Variants in PDE2A observed in about 807,000 individuals in gnomAD.
PDE2A encodes cGMP-dependent 3',5'-cyclic phosphodiesterase.
In PDE2A, 53 loss-of-function variants were observed where a neutral mutation model predicts 133.6. The ratio of observed to expected loss-of-function variants is 0.40; its 90% CI spans 0.32 to 0.50. The LOEUF is 0.50. PDE2A is among the 20% of genes least tolerant of loss of function. The probability of loss-of-function intolerance (pLI) is 0.73; values close to 1 mark genes in which losing one functional copy is unlikely to be tolerated. For synonymous variants in PDE2A, 491 were observed against 490.2 expected (o/e 1.00, Z -0.02); for missense variants, 796 against 1,232.4 (o/e 0.65, Z 5.30).
At chr11:72,618,764 C>T (rs1857601238) in intron 2 of PDE2A, among the ~76,000 whole-genome samples, 1 of 152,204 alleles carries the variant, frequency 6.6e-6, no homozygotes, top group Non-Finnish European at 1.5e-5. Context: ...GGCCTACGAG[C>T]CCATGGGACG....
chr11:72,617,494 CTCTG>C (rs1857533169), intron 2 of PDE2A, among the ~76,000 whole-genome samples: 1 of 152,230 alleles, frequency 6.6e-6, no homozygotes, highest in Non-Finnish European at 1.5e-5. Flanking sequence ...GGCCACCTCT[CTCTG>C]TCTGTGCTCT....
At chr11:72,592,046 CA>C (rs1374076063) in intron 6 of PDE2A, among the ~76,000 whole-genome samples, 1 of 152,168 alleles carries the variant, frequency 6.6e-6, no homozygotes, top group African/African-American at 2.4e-5. Context: ...CCACTCTCTC[CA>C]CCACCCCCAT....
chr11:72,668,981 G>A (rs142316257), intron 1 of PDE2A: 41 of 1,002,832 alleles, frequency 4.1e-5, no homozygotes, highest in African/African-American at 4.0e-4. Flanking sequence ...GTGGCTGATC[G>A]TGGGTGGTTC....
chr11:72,625,119 C>A (rs927537189), intron 2 of PDE2A, among the ~76,000 whole-genome samples: 1 of 152,176 alleles, frequency 6.6e-6, no homozygotes, highest in Non-Finnish European at 1.5e-5. Context: ...CCTGGCAGGC[C>A]TGGCCTGTCT....
chr11:72,639,989 C>T (rs1300915223), intron 2 of PDE2A, among the ~76,000 whole-genome samples: 1 of 152,118 alleles, frequency 6.6e-6, no homozygotes, highest in African/African-American at 2.4e-5. Flanking sequence ...CACACTGCCA[C>T]CGCAGCACAT....
rs769925699 is a variant in PDE2A, at chr11:72,590,395, G to T, written c.703+32C>A. The T allele has an allele frequency of 1.9e-6, 3 of 1,583,466 alleles. No individual in the cohort carries two copies. The highest frequency in any genetic ancestry group is 2.7e-5 in the African/African-American group (2 of 74,496). ...TCCCCTCCAAGTTCTGCCCGGCCCCGCCCTCGTGACCTGTCCAGGCCGGGC... is the reference window on the plus strand; with the variant it reads ...TCCCCTCCAAGTTCTGCCCGGCCCCTCCCTCGTGACCTGTCCAGGCCGGGC... On this transcript the variant is annotated intron_variant, in intron 8 of 30. Transcript: ENST00000334456. The surrounding 1 kb of genome is among the most constrained non-coding windows in gnomAD (Gnocchi z 4.8).
intron 7 of PDE2A, chr11:72,591,078 C>T: frequency 1.8e-6 from 1 of 545,202 alleles, no homozygotes; most frequent in Non-Finnish European, 3.3e-6. Flanking sequence ...AGTTTTGTTT[C>T]ACCACTGCCC....
At chr11:72,631,877 C>A (rs1858405654) in intron 2 of PDE2A, among the ~76,000 whole-genome samples, 1 of 152,162 alleles carries the variant, frequency 6.6e-6, no homozygotes, top group Non-Finnish European at 1.5e-5. Context: ...TCCTGCCCCT[C>A]CCCACCCCCA....
chr11:72,660,651 G>A (rs1193335589), intron 1 of PDE2A, among the ~76,000 whole-genome samples: 2 of 152,150 alleles, frequency 1.3e-5, no homozygotes, highest in Non-Finnish European at 2.9e-5. Flanking sequence ...AAGTAGAGGA[G>A]CAGAGATCTG....
chr11:72,632,828 T>G lies in PDE2A; in HGVS notation c.144+9426A>C, dbSNP rs532670611. On this transcript the variant is annotated intron_variant, in intron 2 of 30. Transcript: ENST00000334456. ...GGTTCCCTCCCCCCAGCAGAGGCAC[T>G]GCCCGGAGGTGGAGGCAGGGTGCTG... Among the ~76,000 whole-genome samples, 4 of 133,862 alleles carry G rather than the reference T, an allele frequency of 3.0e-5. No homozygotes were observed. The East Asian group carries it at 9.9e-4, about 33-fold the overall frequency. The allele number at this position is 133,862 out of a possible 152,430, so 87.8% of individuals were successfully genotyped here. A position where few individuals can be genotyped will look rare whatever the true frequency, so the allele number is the denominator to read the frequency against.
chr11:72,625,987 GC>G (rs1565179248), intron 2 of PDE2A, among the ~76,000 whole-genome samples: 1 of 152,264 alleles, frequency 6.6e-6, no homozygotes, highest in Non-Finnish European at 1.5e-5. Flanking sequence ...TCAGCCCGGG[GC>G]CGCAGCATCT....
chr11:72,600,422 G>C (rs1403627422), intron 4 of PDE2A, among the ~76,000 whole-genome samples: 2 of 152,124 alleles, frequency 1.3e-5, no homozygotes, highest in African/African-American at 4.8e-5. Flanking sequence ...TCGGCACCTT[G>C]CTCTGCAGCC....
At chr11:72,671,339 C>CA (rs1297084290) in intron 1 of PDE2A, among the ~76,000 whole-genome samples, 1 of 152,194 alleles carries the variant, frequency 6.6e-6, no homozygotes, top group Non-Finnish European at 1.5e-5. Flanking sequence ...ATGAATGCAG[C>CA]AATGGAATCA....
At chr11:72,667,019 T>C (rs1000976350) in intron 1 of PDE2A, among the ~76,000 whole-genome samples, 7 of 152,102 alleles carry the variant, frequency 4.6e-5, no homozygotes, top group African/African-American at 1.4e-4. Flanking sequence ...GGCAGGAGAA[T>C]AGCTTGAGCC....
intron 2 of PDE2A, among the ~76,000 whole-genome samples, chr11:72,638,903 G>A (rs929038106): frequency 6.6e-6 from 1 of 152,196 alleles, no homozygotes. Flanking sequence ...GATCCCTTTT[G>A]CCAGTCAGGC....
rs755074300 is a variant in PDE2A, at chr11:72,582,445, A to G, written c.1850T>C (p.Met617Thr). ...GTCAAGTGGAGGAGAGCAACTCACC[A>G]TGGACGTGTCATCCTCGGGCAGGGA... ...PRSLPEDDTSMAILSMLQDMN... is the reference protein window; with the variant it reads ...PRSLPEDDTSTAILSMLQDMN... The change falls in exon 21 of 31, where the codon ATG becomes ACG. Residue 617 changes from methionine (M) to threonine (T), a missense_variant and splice_region_variant. By Grantham distance (81) the Met-to-Thr change is moderately conservative. This residue lies in a region of PDE2A where 218 missense variants were observed against 465.9 expected (regional missense o/e 0.47). Coordinates refer to ENST00000334456, the MANE Select transcript of PDE2A (RefSeq NM_002599.5). 3 of 1,613,780 alleles carry G rather than the reference A, an allele frequency of 1.9e-6. No individual in the cohort carries two copies. The Admixed American group carries it at 5.0e-5, about 27-fold the overall frequency.
chr11:72,589,205 C>T lies in PDE2A; in HGVS notation c.909G>A (p.Lys303=), dbSNP rs1856119680. The part of the protein sequence containing the change: ...TGCLGQVVED[K]KSIQLKDLTS... ...TGAGGTCCTTCAGCTGGATGGACTT[C>T]TTGTCTTCCACCACCTGGCCCAGGC... The change falls in exon 12 of 31, where the codon AAG becomes AAA. Residue 303 remains lysine (K), a synonymous_variant. Coordinates refer to ENST00000334456, the MANE Select transcript of PDE2A (RefSeq NM_002599.5). 6.2e-7 allele frequency: 1 copy of T among 1,613,794 alleles called. No individual in the cohort carries two copies. The highest frequency in any genetic ancestry group is 8.5e-7 in the Non-Finnish European group (1 of 1,179,932).
chr11:72,662,207 C>G (rs1176444286), intron 1 of PDE2A, among the ~76,000 whole-genome samples: 1 of 152,142 alleles, frequency 6.6e-6, no homozygotes, highest in Non-Finnish European at 1.5e-5. Context: ...TAATGATTGT[C>G]AAGCACTTAG....
At chr11:72,628,977 T>G (rs1591098833) in intron 2 of PDE2A, among the ~76,000 whole-genome samples, 1 of 152,046 alleles carries the variant, frequency 6.6e-6, no homozygotes, top group Admixed American at 6.5e-5. Flanking sequence ...GGCACTCGGG[T>G]GGGGTGCTGG....
Sources: allele counts gnomAD v4.1 joint callset (sites outside exome capture counted in the v4.1 genomes callset), GRCh38; gene constraint gnomAD v4.1.1; regional missense constraint gnomAD v4.1.1; non-coding constraint Gnocchi (gnomAD v3.1); transcripts MANE v1.5; gene names NCBI Gene and HGNC (gene_info 2026-07-23, HGNC 2026-07-21).